The following NAA50 variants were observed in gnomAD, a reference collection of about 807,000 sequenced individuals.
NAA50 encodes the protein N-alpha-acetyltransferase 50, NatE catalytic subunit, also known as N-alpha-acetyltransferase 50.
NAA50 carries 7 observed loss-of-function variants against 20.7 expected under a neutral mutation model. The ratio of observed to expected loss-of-function variants is 0.34; its 90% CI spans 0.19 to 0.63. NAA50 has a LOEUF of 0.63. NAA50 is among the 30% of genes least tolerant of loss of function. The probability of loss-of-function intolerance (pLI) is 0.75; values close to 1 mark genes in which losing one functional copy is unlikely to be tolerated. For missense variants in NAA50, 111 were observed against 199.1 expected (o/e 0.56, Z 2.66); for synonymous variants, 54 against 70.6 (o/e 0.77, Z 1.18).
At chr3:113,740,666 G>A (rs950885546) in intron 1 of NAA50, among the ~76,000 whole-genome samples, 13 of 152,084 alleles carry the variant, frequency 8.5e-5, no homozygotes, top group Non-Finnish European at 1.6e-4. Flanking sequence ...GTGAGCCACA[G>A]TACCCAGCTG....
chr3:113,737,119 A>T (rs1010457086), intron 1 of NAA50, among the ~76,000 whole-genome samples: 2 of 152,202 alleles, frequency 1.3e-5, no homozygotes, highest in African/African-American at 4.8e-5. Flanking sequence ...AAGATCAGTC[A>T]CAACAATTTC....
At chr3:113,741,219 C>G in intron 1 of NAA50, 5 of 468,054 alleles carry the variant, frequency 1.1e-5, no homozygotes, top group South Asian at 9.1e-5. Context: ...GCCCAGCATT[C>G]CTGCTCCAGG....
intron 1 of NAA50, among the ~76,000 whole-genome samples, chr3:113,728,800 T>G (rs1039791316): frequency 6.6e-6 from 1 of 152,154 alleles, no homozygotes; most frequent in Non-Finnish European, 1.5e-5. Context: ...CCAAGCAATC[T>G]CCAGCAGACA....
intron 1 of NAA50, among the ~76,000 whole-genome samples, chr3:113,742,757 C>T (rs1708435972): frequency 6.6e-6 from 1 of 152,176 alleles, no homozygotes; most frequent in Non-Finnish European, 1.5e-5. Flanking sequence ...ATTTATATTA[C>T]TGCTACCTAC....
chr3:113,745,914 C>T (rs1708491094), intron 1 of NAA50, 28 bp downstream of exon 1: 6 of 1,601,750 alleles, frequency 3.7e-6, no homozygotes, highest in South Asian at 2.2e-5. Context: ...CCCCACCGGC[C>T]GGGCCCTGCC....
chr3:113,721,513 A>T lies in NAA50; in HGVS notation c.*247T>A, dbSNP rs1457090355. On this transcript the variant is annotated 3_prime_UTR_variant, in exon 5 of 5. Coordinates refer to ENST00000240922, the MANE Select transcript of NAA50 (RefSeq NM_025146.4). Reference sequence around the variant, plus strand: ...ACCATCTAACTTCAACTGCAAAACTAAACAGATCTACCTTGTCCTTCCTTC... The same window carrying T: ...ACCATCTAACTTCAACTGCAAAACTTAACAGATCTACCTTGTCCTTCCTTC... 1 of 517,422 alleles carries T rather than the reference A, an allele frequency of 1.9e-6. No individual in the cohort carries two copies. Among genetic ancestry groups the T allele is most frequent in the Non-Finnish European group, 3.4e-6 (1 of 293,290 alleles). 32.1% of individuals were successfully genotyped at this position (517,422 alleles called of 1,614,324 possible). A position where few individuals can be genotyped will look rare whatever the true frequency, so the allele number is the denominator to read the frequency against.
At chr3:113,724,296 A>C (rs963000938) in intron 1 of NAA50, among the ~76,000 whole-genome samples, 2 of 152,238 alleles carry the variant, frequency 1.3e-5, no homozygotes, top group Admixed American at 1.3e-4. Context: ...ATATAATTAC[A>C]TACATTCAGG....
chr3:113,746,009 C>T lies in NAA50; in HGVS notation c.-60G>A, dbSNP rs181278944. 7 of 1,601,770 alleles carry T rather than the reference C, an allele frequency of 4.4e-6. No homozygotes were observed. The East Asian group carries it at 1.6e-4, about 36-fold the overall frequency. On this transcript the variant is annotated 5_prime_UTR_variant, in exon 1 of 5. Coordinates refer to ENST00000240922, the MANE Select transcript of NAA50 (RefSeq NM_025146.4). Reference sequence around the variant, plus strand: ...TATCAACGCCGTCGTAGTCGCCGCCCTTAGGTCTCCGCACCCTTAGCTCGG... The same window carrying T: ...TATCAACGCCGTCGTAGTCGCCGCCTTTAGGTCTCCGCACCCTTAGCTCGG...
In NAA50 at chr3:113,717,525, G is replaced by C. The variant is rs746472103; in HGVS notation, c.*4235C>G. The C allele has an allele frequency of 3.3e-5, 5 of 152,080 alleles. No individual in the cohort carries two copies. Among genetic ancestry groups the C allele is most frequent in the Non-Finnish European group, 7.4e-5 (5 of 68,020 alleles). 9.4% of individuals were successfully genotyped at this position (152,080 alleles called of 1,614,324 possible). A position where few individuals can be genotyped will look rare whatever the true frequency, so the allele number is the denominator to read the frequency against. ...TTTTTCCCATGTGACTATGTTACTT[G>C]GCTGTATCATAAACTAGGACTAAGT... On this transcript the variant is annotated 3_prime_UTR_variant, in exon 5 of 5. Transcript: ENST00000240922.
chr3:113,727,525 A>G (rs905735061), intron 1 of NAA50, among the ~76,000 whole-genome samples: 1 of 152,200 alleles, frequency 6.6e-6, no homozygotes, highest in African/African-American at 2.4e-5. Flanking sequence ...TACTAAAAAA[A>G]GTTTCCATTA....
At chr3:113,737,528 G>A (rs949242930) in intron 1 of NAA50, among the ~76,000 whole-genome samples, 2 of 152,092 alleles carry the variant, frequency 1.3e-5, no homozygotes, top group Non-Finnish European at 2.9e-5. Flanking sequence ...GTCCTTACAA[G>A]GCACCTCTGC....
Position 113,746,179 on chromosome 3 carries a change from G to T in NAA50, c.-230C>A, listed in dbSNP as rs1313893418. 1.5e-5 allele frequency: 8 copies of T among 534,738 alleles called. No homozygotes were observed. The highest frequency in any genetic ancestry group is 2.6e-5 in the Non-Finnish European group (8 of 306,760). 33.1% of individuals were successfully genotyped at this position (534,738 alleles called of 1,614,324 possible). A position where few individuals can be genotyped will look rare whatever the true frequency, so the allele number is the denominator to read the frequency against. ...CGCTTGTGCCGCCGCTTCTCCACAC[G>T]TGCACTCGGGTCTCTCGGCTCCCTC... On this transcript the variant is annotated 5_prime_UTR_variant, in exon 1 of 5. Coordinates refer to ENST00000240922, the MANE Select transcript of NAA50 (RefSeq NM_025146.4).
intron 1 of NAA50, chr3:113,745,659 T>G (rs980814937): frequency 3.0e-5 from 13 of 439,032 alleles, no homozygotes; most frequent in Non-Finnish European, 4.0e-6. Flanking sequence ...AGCCTTTCCA[T>G]GTTGCCCCAC....
At chr3:113,735,373 C>G (rs770291211) in intron 1 of NAA50, among the ~76,000 whole-genome samples, 6 of 152,176 alleles carry the variant, frequency 3.9e-5, no homozygotes, top group Non-Finnish European at 8.8e-5. Flanking sequence ...TGTAAATCAT[C>G]ATCCAAATTT....
intron 1 of NAA50, chr3:113,745,639 G>A (rs544173879): frequency 7.9e-6 from 3 of 377,920 alleles, no homozygotes; most frequent in South Asian, 1.3e-4. Context: ...GGCCCCGGGC[G>A]CTTCACAATA....
intron 1 of NAA50, among the ~76,000 whole-genome samples, chr3:113,739,129 T>G (rs1442631228): frequency 3.3e-5 from 5 of 152,192 alleles, no homozygotes; most frequent in Non-Finnish European, 2.9e-5. Context: ...AAAGTAAAAG[T>G]AGAGTTAAAG....
At chr3:113,743,682 A>C (rs1337533996) in intron 1 of NAA50, among the ~76,000 whole-genome samples, 1 of 152,240 alleles carries the variant, frequency 6.6e-6, no homozygotes, top group Non-Finnish European at 1.5e-5. Context: ...ATCATCTTAA[A>C]GGTTTACAGT....
chr3:113,740,038 T>A (rs887748685), intron 1 of NAA50, among the ~76,000 whole-genome samples: 2 of 152,036 alleles, frequency 1.3e-5, no homozygotes, highest in Non-Finnish European at 2.9e-5. Context: ...AAGTTTAGTA[T>A]CCACATTTAC....
At chr3:113,726,013 A>C (rs1210050066) in intron 1 of NAA50, among the ~76,000 whole-genome samples, 2 of 152,180 alleles carry the variant, frequency 1.3e-5, no homozygotes, top group Non-Finnish European at 2.9e-5. Context: ...CGTTTCTGTC[A>C]TACTTAGCAG....
Sources: gnomAD v4.1 joint callset for allele counts (sites outside exome capture counted in the v4.1 genomes callset) on GRCh38, gnomAD v4.1.1 for gene constraint, MANE v1.5 for transcripts, NCBI Gene and HGNC (gene_info 2026-07-23, HGNC 2026-07-21) for gene names.